Variants in RPH3A observed in about 807,000 individuals in gnomAD.
RPH3A encodes the protein rabphilin 3A.
In RPH3A, 48 loss-of-function variants were observed where a neutral mutation model predicts 102.2. The ratio of observed to expected loss-of-function variants is 0.47; its 90% CI spans 0.37 to 0.60. RPH3A has a LOEUF of 0.60. Among genes scored for constraint, RPH3A ranks in the 20% least tolerant of loss-of-function variants. RPH3A has a pLI of 0.00. For synonymous variants in RPH3A, 310 were observed against 324.3 expected (o/e 0.96, Z 0.47); for missense variants, 781 against 910.1 (o/e 0.86, Z 1.83).
chr12:112,580,895 T>G (rs1047573545), intron 1 of RPH3A, among the ~76,000 whole-genome samples: 69 of 152,152 alleles, frequency 4.5e-4, no homozygotes, highest in African/African-American at 1.6e-3. Context: ...TATAGAAGAG[T>G]GTTTTCCTGT....
intron 1 of RPH3A, among the ~76,000 whole-genome samples, chr12:112,718,784 G>A (rs2040531356): frequency 6.6e-6 from 1 of 152,206 alleles, no homozygotes; most frequent in African/African-American, 2.4e-5. Context: ...CCTGCATAGA[G>A]GAAGATGGCA....
intron 1 of RPH3A, among the ~76,000 whole-genome samples, chr12:112,785,203 C>G (rs921332688): frequency 1.4e-5 from 2 of 138,938 alleles, no homozygotes; most frequent in Non-Finnish European, 3.1e-5. Context: ...GCCTGGACAA[C>G]AAAAGCGAAA....
intron 1 of RPH3A, among the ~76,000 whole-genome samples, chr12:112,730,000 C>T (rs1025218525): frequency 1.6e-4 from 24 of 151,902 alleles, no homozygotes; most frequent in African/African-American, 5.6e-4. Context: ...AAACTGGACA[C>T]GTACACACAC....
intron 1 of RPH3A, among the ~76,000 whole-genome samples, chr12:112,749,207 CT>C (rs1347210332): frequency 1.3e-5 from 2 of 152,206 alleles, no homozygotes; most frequent in Admixed American, 1.3e-4. Context: ...TTTCCTGCCT[CT>C]GCCTTCAATC....
At chr12:112,843,622 G>T (rs1442763384) in intron 4 of RPH3A, among the ~76,000 whole-genome samples, 1 of 152,200 alleles carries the variant, frequency 6.6e-6, no homozygotes, top group Non-Finnish European at 1.5e-5. Flanking sequence ...AGGTCAGGCT[G>T]GCTCCTGACA....
intron 1 of RPH3A, among the ~76,000 whole-genome samples, chr12:112,622,005 T>C (rs1220219735): frequency 2.0e-5 from 3 of 150,686 alleles, no homozygotes; most frequent in Non-Finnish European, 3.0e-5. Flanking sequence ...GTCCTGTCTG[T>C]TAGAAGGAAA....
At chr12:112,628,762 C>A (rs907426305) in intron 1 of RPH3A, among the ~76,000 whole-genome samples, 19 of 151,372 alleles carry the variant, frequency 1.3e-4, no homozygotes, top group Non-Finnish European at 2.8e-4. Context: ...TTACAAAAAA[C>A]AAACAGAAGC....
At chr12:112,796,652 C>T (rs758417072) in intron 2 of RPH3A, among the ~76,000 whole-genome samples, 1 of 152,214 alleles carries the variant, frequency 6.6e-6, no homozygotes, top group Non-Finnish European at 1.5e-5. Context: ...AAGGACAGGC[C>T]TCTCTCTCTT....
In RPH3A at chr12:112,583,975, G is replaced by A. The variant is rs552219073; in HGVS notation, c.-140+8656G>A. 4.6e-5 allele frequency among the ~76,000 whole-genome samples: 7 copies of A among 152,276 alleles called. No individual in the cohort carries two copies. The East Asian group carries it at 9.6e-4, about 21-fold the overall frequency. ...CACTCCAGCCTGAATGACAGAGCGAGACCCTGTCTCAAAAAAATAAATAAA... is the reference window on the plus strand; with the variant it reads ...CACTCCAGCCTGAATGACAGAGCGAAACCCTGTCTCAAAAAAATAAATAAA... On this transcript the variant is annotated intron_variant, in intron 1 of 21. Transcript: ENST00000543106.
rs2042955577 is a variant in RPH3A at position 112,883,414 on chromosome 12, G to A, written c.1436+12G>A. ...AGGAAGACCCTCAGGTACCTGGCAG[G>A]CAGAGGGCAGAGAGGGAGGCAAAGG... On this transcript the variant is annotated intron_variant, in intron 16 of 21. Coordinates refer to ENST00000389385, the MANE Select transcript of RPH3A (RefSeq NM_001143854.2). 6.2e-7 allele frequency: 1 copy of A among 1,600,112 alleles called. No homozygotes were observed. Among genetic ancestry groups the A allele is most frequent in the Non-Finnish European group, 8.6e-7 (1 of 1,168,100 alleles).
At chr12:112,593,741 C>T (rs368708327) in intron 1 of RPH3A, among the ~76,000 whole-genome samples, 6 of 152,122 alleles carry the variant, frequency 3.9e-5, no homozygotes, top group African/African-American at 1.2e-4. Context: ...AAAATGAGTT[C>T]CAGGGAGATT....
chr12:112,803,989 A>C (rs2041406220), intron 2 of RPH3A, among the ~76,000 whole-genome samples: 1 of 152,232 alleles, frequency 6.6e-6, no homozygotes. Flanking sequence ...AGGCACCCAG[A>C]CACTGCTGGA....
At chr12:112,847,456 A>G (rs1432673186) in intron 4 of RPH3A, among the ~76,000 whole-genome samples, 1 of 152,176 alleles carries the variant, frequency 6.6e-6, no homozygotes, top group Non-Finnish European at 1.5e-5. Context: ...TTTACCCTCC[A>G]GGTTTCCATG....
At chr12:112,575,755 G>A (rs553123882) in intron 1 of RPH3A, among the ~76,000 whole-genome samples, 80 of 152,256 alleles carry the variant, frequency 5.3e-4, no homozygotes, top group African/African-American at 1.8e-3. Context: ...GTCTTTCGAA[G>A]GGATAGGAAG....
intron 1 of RPH3A, among the ~76,000 whole-genome samples, chr12:112,729,626 C>T (rs992391797): frequency 6.6e-6 from 1 of 152,148 alleles, no homozygotes; most frequent in Admixed American, 6.5e-5. Context: ...TAAATATTGA[C>T]TAGTTGCTTT....
intron 1 of RPH3A, among the ~76,000 whole-genome samples, chr12:112,739,408 C>A (rs1203725716): frequency 6.6e-6 from 1 of 152,134 alleles, no homozygotes; most frequent in Admixed American, 6.5e-5. Flanking sequence ...TAAAATCACA[C>A]GAGGAGCCGT....
chr12:112,593,407 T>G (rs2039492670), intron 1 of RPH3A, among the ~76,000 whole-genome samples: 1 of 152,064 alleles, frequency 6.6e-6, no homozygotes, highest in African/African-American at 2.4e-5. Context: ...GGAGTAAACT[T>G]TTGTTGTGTT....
intron 2 of RPH3A, among the ~76,000 whole-genome samples, chr12:112,804,538 T>C (rs544512909): frequency 1.3e-5 from 2 of 152,346 alleles, no homozygotes; most frequent in East Asian, 3.9e-4. Context: ...CTGGGATGTA[T>C]GTGTGCACCA....
chr12:112,717,731 T>C (rs2040523666), intron 1 of RPH3A, among the ~76,000 whole-genome samples: 1 of 152,058 alleles, frequency 6.6e-6, no homozygotes, highest in Admixed American at 6.6e-5. Context: ...TTTTCATTTT[T>C]TTTTTTTTTT....
Sources: gnomAD v4.1 joint callset for allele counts (sites outside exome capture counted in the v4.1 genomes callset) on GRCh38, gnomAD v4.1.1 for gene constraint, MANE v1.5 for transcripts, NCBI Gene and HGNC (gene_info 2026-07-23, HGNC 2026-07-21) for gene names.